NOS1AP: variants seen among roughly 807,000 people sequenced by gnomAD.
NOS1AP encodes nitric oxide synthase 1 adaptor protein.
Under a neutral mutation model 56.2 loss-of-function variants are expected in NOS1AP, and 21 were observed. That is an observed-to-expected ratio of 0.37 (90% confidence interval 0.26 to 0.54). The LOEUF (loss-of-function observed/expected upper bound fraction) is 0.54. NOS1AP is among the 20% of genes least tolerant of loss of function. NOS1AP has a pLI of 0.84. For missense variants in NOS1AP, 522 were observed against 657.8 expected, an observed-to-expected ratio of 0.79 and a Z score of 2.26; for synonymous variants, 270 against 274.6, an observed-to-expected ratio of 0.98 and a Z score of 0.17.
intron 6 of NOS1AP, among the ~76,000 whole-genome samples, chr1:162,352,817 C>A (rs180847296): frequency 6.6e-6 from 1 of 152,132 alleles, no homozygotes; most frequent in African/African-American, 2.4e-5. Context: ...GCTAAGGCTT[C>A]GACATATGAA....
chr1:162,170,807 G>A (rs190895114), intron 2 of NOS1AP, among the ~76,000 whole-genome samples: 23 of 152,182 alleles, frequency 1.5e-4, no homozygotes, highest in African/African-American at 5.5e-4. Flanking sequence ...CGGATATGGT[G>A]GTGTGCACCT....
At chr1:162,277,473 T>C (rs1222054719) in intron 2 of NOS1AP, among the ~76,000 whole-genome samples, 1 of 152,228 alleles carries the variant, frequency 6.6e-6, no homozygotes, top group Admixed American at 6.5e-5. Context: ...GTAGTTTCTC[T>C]CTTCCCAGCC....
At chr1:162,106,923 T>C (rs1423392825) in intron 1 of NOS1AP, among the ~76,000 whole-genome samples, 3 of 152,188 alleles carry the variant, frequency 2.0e-5, no homozygotes, top group African/African-American at 4.8e-5. Flanking sequence ...ATCCCAAAGA[T>C]TTACTGGCAA....
At chr1:162,271,556 CT>C (rs1215533847) in intron 2 of NOS1AP, among the ~76,000 whole-genome samples, 1 of 152,162 alleles carries the variant, frequency 6.6e-6, no homozygotes, top group Non-Finnish European at 1.5e-5. Flanking sequence ...AGTAGGCAGC[CT>C]TTGAATGGAA....
At position 162,343,735 on chromosome 1, in the gene NOS1AP, T is replaced by C. The variant is rs549184777; in HGVS notation, c.454-100T>C. The C allele has an allele frequency of 1.9e-4, 264 of 1,388,606 alleles. 2 individuals are homozygous for C. In the African/African-American group the frequency reaches 3.5e-3, roughly 18 times the overall value. 86.0% of individuals were successfully genotyped at this position (1,388,606 alleles called of 1,614,324 possible). On this transcript the variant is annotated intron_variant, in intron 5 of 9. Coordinates refer to ENST00000361897, the MANE Select transcript of NOS1AP (RefSeq NM_014697.3). ...TTGTATGTGCATATCTGAACAACTT[T>C]AGATTTTTCTGTCTCTTTCTTTGGC...
chr1:162,132,430 GATCCTC>G (rs1648792920), intron 1 of NOS1AP, among the ~76,000 whole-genome samples: 2 of 152,326 alleles, frequency 1.3e-5, no homozygotes, highest in Non-Finnish European at 2.9e-5. Flanking sequence ...ACCTCGATAA[GATCCTC>G]ATAGGAGAAA....
At chr1:162,276,143 C>T (rs576731909) in intron 2 of NOS1AP, among the ~76,000 whole-genome samples, 16 of 152,282 alleles carry the variant, frequency 1.1e-4, no homozygotes, top group African/African-American at 2.9e-4. Context: ...TACTGACCCT[C>T]GGAGTCAAGG....
Position 162,210,523 on chromosome 1 carries a change from C to T in NOS1AP, c.177+56047C>T, listed in dbSNP as rs75124732. ...CTCAGGCCCATGACTGTCATATCAC[C>T]GAGCTCTCTGAGGCCAGCATCTTTC... On this transcript the variant is annotated intron_variant, in intron 2 of 9. Coordinates refer to ENST00000361897, the MANE Select transcript of NOS1AP (RefSeq NM_014697.3). Among the ~76,000 whole-genome samples, 878 of 152,210 alleles carry T rather than the reference C, an allele frequency of 5.8e-3. 9 individuals are homozygous for T. Among genetic ancestry groups the T allele is most frequent in the African/African-American group, 0.02 (821 of 41,560 alleles).
intron 1 of NOS1AP, among the ~76,000 whole-genome samples, chr1:162,135,020 A>G (rs954983001): frequency 6.6e-6 from 1 of 152,130 alleles, no homozygotes; most frequent in Non-Finnish European, 1.5e-5. Flanking sequence ...CTCTATTTCT[A>G]TCCAACCAAC....
At chr1:162,154,285 CT>C in intron 1 of NOS1AP, 119 bp from the exon 2 acceptor site, 1 of 814,570 alleles carries the variant, frequency 1.2e-6, no homozygotes, top group Admixed American at 2.1e-5. Flanking sequence ...ACCCTGCTGG[CT>C]CTTAATTTCT....
At chr1:162,217,662 G>C (rs1035346814) in intron 2 of NOS1AP, among the ~76,000 whole-genome samples, 2 of 152,114 alleles carry the variant, frequency 1.3e-5, no homozygotes, top group Non-Finnish European at 2.9e-5. Flanking sequence ...AGTGTGGCTG[G>C]CTCCCTGATG....
intron 6 of NOS1AP, among the ~76,000 whole-genome samples, chr1:162,350,122 G>A (rs753003966): frequency 1.3e-5 from 2 of 152,014 alleles, no homozygotes; most frequent in African/African-American, 2.4e-5. Flanking sequence ...TTTTTTTTAC[G>A]AGAATCTCAC....
chr1:162,364,239 C>T, intron 8 of NOS1AP: 4 of 985,550 alleles, frequency 4.1e-6, no homozygotes, highest in Non-Finnish European at 4.8e-6. Flanking sequence ...CTCCTGCCCC[C>T]ACTCACCTGG....
intron 1 of NOS1AP, among the ~76,000 whole-genome samples, chr1:162,076,601 C>T (rs753806147): frequency 3.9e-5 from 6 of 152,196 alleles, no homozygotes; most frequent in Non-Finnish European, 8.8e-5. Context: ...CGCGGTGGCT[C>T]ACTGCTGTAA....
At chr1:162,320,622 G>A (rs1398974945) in intron 4 of NOS1AP, among the ~76,000 whole-genome samples, 1 of 152,128 alleles carries the variant, frequency 6.6e-6, no homozygotes, top group Admixed American at 6.5e-5. Flanking sequence ...TTGGGAGGCC[G>A]AGGCGGGAGG....
intron 1 of NOS1AP, among the ~76,000 whole-genome samples, chr1:162,107,916 G>A (rs964963410): frequency 3.3e-5 from 5 of 152,168 alleles, no homozygotes; most frequent in African/African-American, 7.2e-5. Context: ...AATAAACAAC[G>A]AATTATATTT....
intron 2 of NOS1AP, among the ~76,000 whole-genome samples, chr1:162,221,263 T>C (rs1186179394): frequency 2.0e-5 from 3 of 152,174 alleles, no homozygotes; most frequent in African/African-American, 7.2e-5. Flanking sequence ...AAACACATTT[T>C]TGAAGTGGTG....
chr1:162,156,119 C>T (rs565476701), intron 2 of NOS1AP, among the ~76,000 whole-genome samples: 9 of 152,300 alleles, frequency 5.9e-5, no homozygotes, highest in East Asian at 3.9e-4. Context: ...CCTTGATCTT[C>T]GCAGTATTTC....
intron 1 of NOS1AP, among the ~76,000 whole-genome samples, chr1:162,092,130 C>T (rs1692150090): frequency 6.6e-6 from 1 of 152,232 alleles, no homozygotes; most frequent in Admixed American, 6.5e-5. Flanking sequence ...TCCCAGGCCA[C>T]ATTCCAGTCT....
Sources: allele counts gnomAD v4.1 joint callset (sites outside exome capture counted in the v4.1 genomes callset), GRCh38; gene constraint gnomAD v4.1.1; transcripts MANE v1.5; gene names NCBI Gene and HGNC (gene_info 2026-07-23, HGNC 2026-07-21).